The following IKZF2 variants were observed in gnomAD, a reference collection of about 807,000 sequenced individuals.
IKZF2 encodes IKAROS family zinc finger 2.
Under a neutral mutation model 49.2 loss-of-function variants are expected in IKZF2, and 15 were observed. The observed-to-expected ratio is 0.30, with a 90% confidence interval of 0.20 to 0.47. IKZF2 has a LOEUF of 0.47. Ranked by LOEUF, IKZF2 falls within the 20% of genes least tolerant of loss-of-function variation. The probability of loss-of-function intolerance (pLI) is 1.00; values close to 1 mark genes in which losing one functional copy is unlikely to be tolerated. For missense variants in IKZF2, 567 were observed against 664.6 expected (o/e 0.85, Z 1.61); for synonymous variants, 227 against 221.4 (o/e 1.03, Z -0.23).
chr2:213,042,762 T>C (rs985759716), intron 6 of IKZF2, among the ~76,000 whole-genome samples: 2 of 152,114 alleles, frequency 1.3e-5, no homozygotes, highest in Non-Finnish European at 2.9e-5. Context: ...AAAGATAATG[T>C]GTTATGGGTA....
rs919086552 is a variant in IKZF2, at chr2:213,000,119, G to A, written c.*7241C>T. Reference sequence around the variant, plus strand: ...ATGTAGTAGAGTGACTTGTCACACAGCTGCAAAGACTGTTTCAGTATTTCC... The same window carrying A: ...ATGTAGTAGAGTGACTTGTCACACAACTGCAAAGACTGTTTCAGTATTTCC... On this transcript the variant is annotated 3_prime_UTR_variant, in exon 9 of 9. Transcript: ENST00000434687. 2.6e-5 allele frequency: 4 copies of A among 151,872 alleles called. No individual in the cohort carries two copies. In the East Asian group the frequency reaches 7.8e-4, roughly 29 times the overall value. 9.4% of individuals were successfully genotyped at this position (151,872 alleles called of 1,614,324 possible). A position where few individuals can be genotyped will look rare whatever the true frequency, so the allele number is the denominator to read the frequency against.
chr2:213,083,551 C>CTTTTTTTTTTTT (rs35297007), intron 4 of IKZF2, among the ~76,000 whole-genome samples: 8 of 93,958 alleles, frequency 8.5e-5, no homozygotes, highest in Admixed American at 1.4e-4. Context: ...ACCAGGCTAA[C>CTTTTTTTTTTTT]TTTTTTTTTT....
chr2:213,095,795 G>A (rs1372745175), intron 4 of IKZF2, among the ~76,000 whole-genome samples: 1 of 151,996 alleles, frequency 6.6e-6, no homozygotes, highest in Non-Finnish European at 1.5e-5. Context: ...TTATTGTTAA[G>A]TATTTCTGCA....
At chr2:213,145,474 CA>C (rs1179077764) in intron 4 of IKZF2, among the ~76,000 whole-genome samples, 7 of 152,022 alleles carry the variant, frequency 4.6e-5, no homozygotes, top group Admixed American at 1.3e-4. Flanking sequence ...ATCTCAGACA[CA>C]AGTGATTTGA....
chr2:213,092,077 G>A (rs938830166), intron 4 of IKZF2, among the ~76,000 whole-genome samples: 3 of 152,000 alleles, frequency 2.0e-5, no homozygotes, highest in Non-Finnish European at 2.9e-5. Context: ...CCAGGCTGGA[G>A]TGCAGTAGCA....
chr2:213,062,403 T>C lies in IKZF2; in HGVS notation c.140-5304A>G, dbSNP rs546854386. Among the ~76,000 whole-genome samples, 3 of 151,896 alleles carry C rather than the reference T, an allele frequency of 2.0e-5. No individual in the cohort carries two copies. The South Asian group carries it at 6.2e-4, about 32-fold the overall frequency. ...TAAAGTGATGTATTTATTGATCTTA[T>C]AGAGTATAAAATAAGCTTTCTAGTT... On this transcript the variant is annotated intron_variant, in intron 4 of 8. Coordinates refer to ENST00000434687, the MANE Select transcript of IKZF2 (RefSeq NM_001387220.1).
In IKZF2 at chr2:213,049,902, G is replaced by C. The variant is rs143206067; in HGVS notation, c.407-22C>G. 433 of 1,516,628 alleles carry C rather than the reference G, an allele frequency of 2.9e-4. 1 individual carries two copies. The African/African-American group carries it at 5.7e-3, about 20-fold the overall frequency. 93.9% of individuals were successfully genotyped at this position (1,516,628 alleles called of 1,614,324 possible). ...TCACCTGCAGTAAGGAGAAGAAATG[G>C]GAAGTATCAACTAGGGTATGTGCAA... On this transcript the variant is annotated intron_variant, in intron 5 of 8. Coordinates refer to ENST00000434687, the MANE Select transcript of IKZF2 (RefSeq NM_001387220.1).
At chr2:213,019,409 G>A (rs573312651) in intron 7 of IKZF2, among the ~76,000 whole-genome samples, 1 of 152,234 alleles carries the variant, frequency 6.6e-6, no homozygotes, top group South Asian at 2.1e-4. Context: ...ATTTATATGA[G>A]ACGTATGTTA....
At chr2:213,038,342 A>C (rs1699251077) in intron 6 of IKZF2, among the ~76,000 whole-genome samples, 1 of 152,182 alleles carries the variant, frequency 6.6e-6, no homozygotes, top group Non-Finnish European at 1.5e-5. Flanking sequence ...TACAGGCGTG[A>C]GCCACCGTGT....
chr2:213,101,641 G>A (rs1162413180), intron 4 of IKZF2, among the ~76,000 whole-genome samples: 9 of 152,042 alleles, frequency 5.9e-5, no homozygotes, highest in Admixed American at 2.6e-4. Context: ...AAATGTTTAT[G>A]TCCACAAAGG....
chr2:213,057,637 C>G (rs1701290182), intron 4 of IKZF2, among the ~76,000 whole-genome samples: 1 of 152,120 alleles, frequency 6.6e-6, no homozygotes. Flanking sequence ...GATACACTGT[C>G]AAGGCAATGT....
intron 4 of IKZF2, among the ~76,000 whole-genome samples, chr2:213,142,698 T>C (rs1481274879): frequency 3.3e-5 from 5 of 151,996 alleles, no homozygotes; most frequent in African/African-American, 9.7e-5. Flanking sequence ...GCCAGCATAA[T>C]TGCAAAGCCC....
At chr2:213,106,635 C>A (rs1452208885) in intron 4 of IKZF2, among the ~76,000 whole-genome samples, 2 of 136,514 alleles carry the variant, frequency 1.5e-5, no homozygotes, top group African/African-American at 5.2e-5. Context: ...GTGAGGGAAA[C>A]CCTGTCTAAA....
intron 4 of IKZF2, among the ~76,000 whole-genome samples, chr2:213,076,101 C>T (rs963805812): frequency 2.7e-5 from 4 of 148,094 alleles, no homozygotes; most frequent in Admixed American, 1.3e-4. Flanking sequence ...CTTTCCTACA[C>T]ATCATGTAAA....
At chr2:213,013,723 T>A in intron 8 of IKZF2, 68 bp downstream of exon 8, 3 of 1,374,648 alleles carry the variant, frequency 2.2e-6, no homozygotes, top group Non-Finnish European at 3.0e-6. Flanking sequence ...ATATTTCTAA[T>A]ACATGGGAAC....
chr2:213,127,116 C>T (rs2060292819), intron 4 of IKZF2, among the ~76,000 whole-genome samples: 1 of 152,146 alleles, frequency 6.6e-6, no homozygotes. Context: ...CAGCATACAC[C>T]ATTTGTAAAT....
chr2:213,101,662 C>G (rs1000312181), intron 4 of IKZF2, among the ~76,000 whole-genome samples: 1 of 151,932 alleles, frequency 6.6e-6, no homozygotes, highest in Non-Finnish European at 1.5e-5. Flanking sequence ...AAAGTACGAC[C>G]CTAACGTCTT....
intron 4 of IKZF2, among the ~76,000 whole-genome samples, chr2:213,110,250 G>T (rs1419918364): frequency 6.6e-6 from 1 of 151,948 alleles, no homozygotes; most frequent in African/African-American, 2.4e-5. Flanking sequence ...AAATCAAAAA[G>T]TATAAAAGTA....
chr2:213,028,137 T>C (rs1474524670), intron 6 of IKZF2, among the ~76,000 whole-genome samples: 1 of 152,124 alleles, frequency 6.6e-6, no homozygotes, highest in Non-Finnish European at 1.5e-5. Context: ...TCTAGACCCA[T>C]TTATAGAAAA....
Sources: gnomAD v4.1 joint callset for allele counts (sites outside exome capture counted in the v4.1 genomes callset) on GRCh38, gnomAD v4.1.1 for gene constraint, MANE v1.5 for transcripts, NCBI Gene and HGNC (gene_info 2026-07-23, HGNC 2026-07-21) for gene names.